Variants in SWI5 observed in about 807,000 individuals in gnomAD.
SWI5 encodes the protein SWI5 homologous recombination repair protein.
A neutral mutation model predicts 17.0 loss-of-function variants in SWI5; 12 were observed. The ratio of observed to expected loss-of-function variants is 0.71; its 90% CI spans 0.45 to 1.14. The LOEUF is 1.14. SWI5 is among the 50% of genes most tolerant of loss of function. SWI5 has a pLI of 0.00. For missense variants in SWI5, 158 were observed against 162.2 expected, an observed-to-expected ratio of 0.97 and a Z score of 0.14; for synonymous variants, 61 against 64.0, an observed-to-expected ratio of 0.95 and a Z score of 0.22.
At chr9:128,286,227 G>A (rs1000116511) in intron 4 of SWI5, 194 bp downstream of exon 4, 31 of 551,498 alleles carry the variant, frequency 5.6e-5, no homozygotes, top group East Asian at 5.3e-4. Flanking sequence ...TGTTCCTCAA[G>A]TACAGAACCT....
At chr9:128,283,161 A>G (rs1033168677) in intron 2 of SWI5, among the ~76,000 whole-genome samples, 1 of 144,468 alleles carries the variant, frequency 6.9e-6, no homozygotes, top group Admixed American at 6.9e-5. Context: ...CTAAAAATAC[A>G]AAAAAAAAAA....
At chr9:128,276,434 C>T in intron 1 of SWI5, 32 bp downstream of exon 1, 2 of 1,607,766 alleles carry the variant, frequency 1.2e-6, no homozygotes, top group Non-Finnish European at 1.7e-6. Context: ...CAGTTTCTTT[C>T]CTGACTCCTC....
At chr9:128,276,077 T>TGG (rs904584779), upstream of SWI5, 14 of 1,573,500 alleles carry the variant, frequency 8.9e-6, no homozygotes, top group Non-Finnish European at 1.2e-5. Flanking sequence ...GAGCGCAGAA[T>TGG]GGGGGCGTGG....
chr9:128,279,391 T>A (rs1218972589), intron 2 of SWI5, among the ~76,000 whole-genome samples: 4 of 151,816 alleles, frequency 2.6e-5, no homozygotes, highest in African/African-American at 9.7e-5. Flanking sequence ...CTGGGCACGC[T>A]GATATTTACT....
At chr9:128,275,369 G>A, upstream of SWI5, 2 of 1,276,606 alleles carry the variant, frequency 1.6e-6, no homozygotes, top group Non-Finnish European at 2.0e-6. Context: ...TCCACTCCTA[G>A]GGGGAACATC....
chr9:128,284,447 A>G (rs1564374881), intron 2 of SWI5, 63 bp from the exon 3 acceptor site: 16 of 1,571,384 alleles, frequency 1.0e-5, no homozygotes, highest in Non-Finnish European at 1.4e-5. Flanking sequence ...CTACTGGGGG[A>G]CATGTAGGCT....
At position 128,288,065 on chromosome 9, in the gene SWI5, G is replaced by A. The variant is rs148495094; in HGVS notation, c.329-587G>A. Among the ~76,000 whole-genome samples the A allele has an allele frequency of 3.9e-5, 6 of 152,260 alleles. No individual in the cohort carries two copies. In the East Asian group the frequency reaches 7.7e-4, roughly 20 times the overall value. ...AAAATGTGTTAGGTGCTATGAAGGC[G>A]ACAAAGGGCAGAGATGGGGAGAATA... On this transcript the variant is annotated intron_variant, in intron 4 of 4. Transcript: ENST00000418976.
intron 2 of SWI5, among the ~76,000 whole-genome samples, chr9:128,279,171 G>A (rs530270203): frequency 6.5e-4 from 99 of 152,238 alleles, no homozygotes; most frequent in African/African-American, 2.2e-3. Context: ...GTGCCCGCTC[G>A]GCTGGCTCCT....
At chr9:128,281,554 A>G (rs1564373998) in intron 2 of SWI5, among the ~76,000 whole-genome samples, 1 of 152,186 alleles carries the variant, frequency 6.6e-6, no homozygotes, top group East Asian at 1.9e-4. Flanking sequence ...CTGTACTTCA[A>G]CTTCAAAGCA....
chr9:128,288,322 T>A (rs1831680507), intron 4 of SWI5, among the ~76,000 whole-genome samples: 1 of 152,200 alleles, frequency 6.6e-6, no homozygotes, highest in Admixed American at 6.5e-5. Context: ...ATCCAGCAGC[T>A]CTGTGTGGAG....
intron 2 of SWI5, among the ~76,000 whole-genome samples, chr9:128,277,894 G>A (rs940253477): frequency 1.3e-5 from 2 of 151,744 alleles, no homozygotes; most frequent in African/African-American, 4.8e-5. Flanking sequence ...CTTTGACCAT[G>A]CGGTAACTCA....
At chr9:128,286,074 G>T in intron 4 of SWI5, 41 bp downstream of exon 4, 1 of 1,480,234 alleles carries the variant, frequency 6.8e-7, no homozygotes, top group South Asian at 1.1e-5. Flanking sequence ...AGGCATCATA[G>T]GGTGTCGTCT....
At chr9:128,275,865 C>CGG (rs983864420), upstream of SWI5, 18 of 1,257,328 alleles carry the variant, frequency 1.4e-5, no homozygotes, top group Non-Finnish European at 2.0e-5. Context: ...GGGGCTGGGT[C>CGG]GGGGGGCCGC....
At chr9:128,276,753 C>T (rs753000660) in exon 2 of SWI5, 1 of 1,610,230 alleles carries the variant, frequency 6.2e-7, no homozygotes, top group Middle Eastern at 1.7e-4. Flanking sequence ...CTTCCGATCC[C>T]CTGTGAGTAT....
rs569635230 is a variant in SWI5 at position 128,278,722 on chromosome 9, C to T, written c.111+1967C>T. On this transcript the variant is annotated intron_variant, in intron 2 of 4. Coordinates refer to ENST00000418976, the Ensembl canonical transcript of SWI5. ...TCCAGAGAGATGAATATAGCCAGGA[C>T]GTGGCAGAGCTGGGGGCTTTAAACT... 33 of 464,896 alleles carry T rather than the reference C, an allele frequency of 7.1e-5. No homozygotes were observed. The East Asian group carries it at 1.1e-3, about 16-fold the overall frequency. 28.8% of individuals were successfully genotyped at this position (464,896 alleles called of 1,614,324 possible).
intron 4 of SWI5, among the ~76,000 whole-genome samples, chr9:128,287,837 T>C (rs1024582680): frequency 2.0e-5 from 3 of 152,080 alleles, no homozygotes; most frequent in African/African-American, 7.2e-5. Flanking sequence ...GCTGAGATTA[T>C]AGGCTGAGCC....
chr9:128,278,447 A>T (rs940135715), intron 2 of SWI5, among the ~76,000 whole-genome samples: 2 of 151,956 alleles, frequency 1.3e-5, no homozygotes, highest in African/African-American at 4.8e-5. Flanking sequence ...CATGCCTGTA[A>T]TCCCAGCTAC....
chr9:128,276,365 C>A, exon 1 of SWI5: 13 of 1,613,300 alleles, frequency 8.1e-6, no homozygotes, highest in Non-Finnish European at 1.1e-5. Context: ...GCCATTGAAC[C>A]CCCTGATCCG....
At chr9:128,275,592 G>C, upstream of SWI5, 1 of 1,001,770 alleles carries the variant, frequency 1.0e-6, no homozygotes, top group South Asian at 2.3e-5. Flanking sequence ...TAGGTCCTTG[G>C]AGACGCCAGC....
Sources: gnomAD v4.1 joint callset for allele counts (sites outside exome capture counted in the v4.1 genomes callset) on GRCh38, gnomAD v4.1.1 for gene constraint, MANE v1.5 for transcripts, NCBI Gene and HGNC (gene_info 2026-07-23, HGNC 2026-07-21) for gene names.